Variants in MGRN1 observed in about 807,000 individuals in gnomAD.
MGRN1 encodes mahogunin ring finger 1.
A neutral mutation model predicts 69.2 loss-of-function variants in MGRN1; 29 were observed. The ratio of observed to expected loss-of-function variants is 0.42; its 90% CI spans 0.31 to 0.57. The LOEUF (loss-of-function observed/expected upper bound fraction) is 0.57. Among genes scored for constraint, MGRN1 ranks in the 20% least tolerant of loss-of-function variants. The probability of loss-of-function intolerance (pLI) is 0.15; values close to 1 mark genes in which losing one functional copy is unlikely to be tolerated. For synonymous variants in MGRN1, 470 were observed against 344.2 expected (o/e 1.37, Z -4.04); for missense variants, 998 against 796.2 (o/e 1.25, Z -3.05).
At chr16:4,627,254 A>G (rs1390873034) in intron 1 of MGRN1, among the ~76,000 whole-genome samples, 1 of 152,238 alleles carries the variant, frequency 6.6e-6, no homozygotes, top group Non-Finnish European at 1.5e-5. Flanking sequence ...TTTGTTGATT[A>G]TGTCAAGGAG....
At chr16:4,672,530 T>C (rs1353897501) in intron 9 of MGRN1, 1 of 448,384 alleles carries the variant, frequency 2.2e-6, no homozygotes, top group Non-Finnish European at 4.5e-6. Flanking sequence ...AGTGCATTCA[T>C]GTTTCATACC....
At position 4,668,300 on chromosome 16, in the gene MGRN1, G is replaced by C. The variant is rs1218811609; in HGVS notation, c.714G>C (p.Lys238Asn). 1 of 1,614,038 alleles carries C rather than the reference G, an allele frequency of 6.2e-7. No homozygotes were observed. Among genetic ancestry groups the C allele is most frequent in the Admixed American group, 1.7e-5 (1 of 59,994 alleles). The change falls in exon 8 of 17, where the codon AAG becomes AAC. Residue 238 changes from lysine to asparagine, a missense_variant. Coordinates refer to ENST00000262370, the MANE Select transcript of MGRN1 (RefSeq NM_015246.4). Reference sequence around the variant, plus strand: ...GCAGCTTCTCTGTGAAGCCTTTAAAGCAGAAGCAAATTGTAAGTCATCAGA... The same window carrying C: ...GCAGCTTCTCTGTGAAGCCTTTAAACCAGAAGCAAATTGTAAGTCATCAGA... ...MDGSFSVKPL[K>N]QKQIVDRVSY... is the part of the protein sequence containing the mutation.
chr16:4,673,371 TG>T, intron 9 of MGRN1, 126 bp from the exon 10 acceptor site: 1 of 1,288,272 alleles, frequency 7.8e-7, no homozygotes, highest in Non-Finnish European at 1.1e-6. Flanking sequence ...CCCTCCCCTC[TG>T]GACTTCTCTT....
chr16:4,673,977 CTTATT>C (rs1240652442), intron 10 of MGRN1, among the ~76,000 whole-genome samples: 2 of 152,174 alleles, frequency 1.3e-5, no homozygotes, highest in South Asian at 2.1e-4. Flanking sequence ...AATCTTTATT[CTTATT>C]TTATTTTTAT....
intron 7 of MGRN1, 89 bp from the exon 8 acceptor site, chr16:4,668,176 G>A (rs2078847918): frequency 1.9e-6 from 2 of 1,054,588 alleles, no homozygotes; most frequent in Non-Finnish European, 2.8e-6. Flanking sequence ...GGATTGGCTG[G>A]GGCAGGGTGG....
Position 4,677,446 on chromosome 16 carries a change from C to A in MGRN1, c.956-17C>A. The A allele has an allele frequency of 1.3e-6, 2 of 1,535,870 alleles. No individual in the cohort carries two copies. The highest frequency in any genetic ancestry group is 1.7e-6 in the Non-Finnish European group (2 of 1,144,010). On this transcript the variant is annotated splice_polypyrimidine_tract_variant and intron_variant, in intron 10 of 16. Transcript: ENST00000262370. ...GTGTGTCGCCTGGGCCTGATCTGAG[C>A]CCTCCTTCTGCCGCAGCTTTCCGGG...
intron 1 of MGRN1, among the ~76,000 whole-genome samples, chr16:4,638,296 C>A (rs1227164156): frequency 6.6e-6 from 1 of 152,000 alleles, no homozygotes; most frequent in African/African-American, 2.4e-5. Context: ...GAAACTCCGT[C>A]TCTACTAAAA....
At chr16:4,686,682 C>A in intron 16 of MGRN1, 2 of 1,052,628 alleles carry the variant, frequency 1.9e-6, no homozygotes, top group Non-Finnish European at 2.3e-6. Context: ...AGGGCAGCAC[C>A]GTGGAGGGAA....
chr16:4,685,108 G>A (rs2141985874), intron 16 of MGRN1, among the ~76,000 whole-genome samples: 1 of 152,390 alleles, frequency 6.6e-6, no homozygotes, highest in South Asian at 2.1e-4. Flanking sequence ...ACAACTCACA[G>A]CAGAAGGTGT....
intron 5 of MGRN1, among the ~76,000 whole-genome samples, chr16:4,660,000 A>G (rs2141907326): frequency 6.6e-6 from 1 of 152,312 alleles, no homozygotes; most frequent in East Asian, 1.9e-4. Context: ...CCCGTCCTGC[A>G]GCCAGGCCGC....
At position 4,688,950 on chromosome 16, in the gene MGRN1, G is replaced by T. The variant is rs12934568; in HGVS notation, c.*42G>T. On this transcript the variant is annotated 3_prime_UTR_variant, in exon 17 of 17. Coordinates refer to ENST00000262370, the MANE Select transcript of MGRN1 (RefSeq NM_015246.4). The stretch of plus-strand genomic sequence containing the variant: ...GCAGCATGGAGCCCTCGGCTCCCCA[G>T]ACTTTGCCGAGGGGCTGCTCCGGAC... The T allele has an allele frequency of 3.3e-6, 5 of 1,509,702 alleles. No individual in the cohort carries two copies. In the African/African-American group the frequency reaches 4.1e-5, roughly 13 times the overall value. The allele number at this position is 1,509,702 out of a possible 1,614,324, so 93.5% of individuals were successfully genotyped here.
chr16:4,642,576 G>A (rs544855997), intron 1 of MGRN1, among the ~76,000 whole-genome samples: 27 of 151,514 alleles, frequency 1.8e-4, no homozygotes, highest in African/African-American at 5.8e-4. Flanking sequence ...CGCCCGCCTC[G>A]GCCTCCCAAA....
chr16:4,680,014 T>G lies in MGRN1; in HGVS notation c.1066-18T>G, dbSNP rs769456736. On this transcript the variant is annotated intron_variant, in intron 11 of 16. Coordinates refer to ENST00000262370, the MANE Select transcript of MGRN1 (RefSeq NM_015246.4). ...GTGGGGGTGGTAGTTGTAAAACATATGATTTTTATCTTGACAGTGTCCCTT... is the reference window on the plus strand; with the variant it reads ...GTGGGGGTGGTAGTTGTAAAACATAGGATTTTTATCTTGACAGTGTCCCTT... 1.2e-6 allele frequency: 2 copies of G among 1,613,040 alleles called. No individual in the cohort carries two copies. The highest frequency in any genetic ancestry group is 1.7e-6 in the Non-Finnish European group (2 of 1,179,330).
At position 4,665,127 on chromosome 16, in the gene MGRN1, C is replaced by T. The variant is rs375802956; in HGVS notation, c.654C>T (p.His218=). The T allele has an allele frequency of 2.0e-4, 326 of 1,614,110 alleles. No homozygotes were observed. The highest frequency in any genetic ancestry group is 2.5e-4 in the Non-Finnish European group (292 of 1,180,054). The change falls in exon 7 of 17, where the codon CAC becomes CAT. Residue 218 remains histidine (H), a synonymous_variant. Coordinates refer to ENST00000262370, the MANE Select transcript of MGRN1 (RefSeq NM_015246.4). ...TGGTGGAAGTGACTGGCCACGCCCA[C>T]GTGCTCTTGGCTGCCTTTGAAAAGG... The part of the protein sequence containing the change: ...GDVVEVTGHA[H]VLLAAFEKHM...
rs2079435220 is a variant in MGRN1 at position 4,690,619 on chromosome 16, C to T, written c.*1711C>T. ...ACGCACATGTTCACACATGCACACTCACGCTCACACATGCTGTCACGCATA... is the reference window on the plus strand; with the variant it reads ...ACGCACATGTTCACACATGCACACTTACGCTCACACATGCTGTCACGCATA... On this transcript the variant is annotated 3_prime_UTR_variant, in exon 17 of 17. Transcript: ENST00000262370. 6.6e-6 allele frequency: 1 copy of T among 152,354 alleles called. No individual in the cohort carries two copies. Among genetic ancestry groups the T allele is most frequent in the Admixed American group, 6.5e-5 (1 of 15,288 alleles). 9.4% of individuals were successfully genotyped at this position (152,354 alleles called of 1,614,324 possible). A position where few individuals can be genotyped will look rare whatever the true frequency, so the allele number is the denominator to read the frequency against.
At chr16:4,682,485 C>T (rs370562900) in intron 13 of MGRN1, among the ~76,000 whole-genome samples, 24 of 152,322 alleles carry the variant, frequency 1.6e-4, no homozygotes, top group East Asian at 1.2e-3. Context: ...GAGGAGGCAG[C>T]GCCAAAGCTC....
rs377466880 is a variant in MGRN1 at position 4,650,393 on chromosome 16, G to A, written c.117G>A (p.Met39Ile). 9.9e-6 allele frequency: 16 copies of A among 1,612,758 alleles called. No individual in the cohort carries two copies. The highest frequency in any genetic ancestry group is 1.3e-5 in the Non-Finnish European group (15 of 1,179,600). ...SGNYFASHFFMGGEKFDTPHP... is the reference protein window; with the variant it reads ...SGNYFASHFFIGGEKFDTPHP... ...ACTACTTTGCTTCGCACTTTTTCATGGGAGGAGAGAAATTCGACACCCCCC... is the reference window on the plus strand; with the variant it reads ...ACTACTTTGCTTCGCACTTTTTCATAGGAGGAGAGAAATTCGACACCCCCC... Residue 39 changes from methionine to isoleucine, a missense_variant, in exon 2 of 17, where the codon ATG becomes ATA. Met to Ile is a conservative substitution (Grantham distance 10). Coordinates refer to ENST00000262370, the MANE Select transcript of MGRN1 (RefSeq NM_015246.4).
chr16:4,640,880 C>T (rs2078142131), intron 1 of MGRN1, among the ~76,000 whole-genome samples: 1 of 152,226 alleles, frequency 6.6e-6, no homozygotes. Context: ...CGCCCCAGCT[C>T]CACCGCTGAT....
Position 4,664,552 on chromosome 16 carries a change from C to T in MGRN1, c.562-157C>T, listed in dbSNP as rs142188372. ...CACACACATAAAAAAGGTGCCAAGC[C>T]TGGCATCCGCCTTCCCTGCCATCTC... On this transcript the variant is annotated intron_variant, in intron 5 of 16. Coordinates refer to ENST00000262370, the MANE Select transcript of MGRN1 (RefSeq NM_015246.4). 794 of 704,766 alleles carry T rather than the reference C, an allele frequency of 1.1e-3. 11 individuals are homozygous for T. The East Asian group carries it at 0.018, about 16-fold the overall frequency. The allele number at this position is 704,766 out of a possible 1,614,324, so 43.7% of individuals were successfully genotyped here.
Sources: gnomAD v4.1 joint callset for allele counts (sites outside exome capture counted in the v4.1 genomes callset) on GRCh38, gnomAD v4.1.1 for gene constraint, MANE v1.5 for transcripts, NCBI Gene and HGNC (gene_info 2026-07-23, HGNC 2026-07-21) for gene names.